MYOM2: variants seen among roughly 807,000 people sequenced by gnomAD.
MYOM2 encodes myomesin-2.
A neutral mutation model predicts 187.6 loss-of-function variants in MYOM2; 254 were observed. The observed-to-expected ratio is 1.35, with a 90% confidence interval of 1.22 to 1.50. The LOEUF is 1.50. MYOM2 is among the 40% of genes most tolerant of loss of function. The pLI, the probability that MYOM2 is intolerant of heterozygous loss-of-function variation, is 0.00. For synonymous variants in MYOM2, 981 were observed against 753.8 expected, an observed-to-expected ratio of 1.30 and a Z score of -4.94; for missense variants, 2,796 against 1,924.0, an observed-to-expected ratio of 1.45 and a Z score of -8.48.
chr8:2,085,515 GCCCCCCACTGTTGTGA>G, intron 14 of MYOM2, 125 bp downstream of exon 14: 2 of 775,020 alleles, frequency 2.6e-6, no homozygotes, highest in East Asian at 3.5e-5. Flanking sequence ...TCTCCGCGTG[GCCCCCCACTGTTGTGA>G]TCTCTGCGTG....
chr8:2,104,621 A>T (rs1796831566), intron 21 of MYOM2, among the ~76,000 whole-genome samples: 1 of 151,604 alleles, frequency 6.6e-6, no homozygotes, highest in Non-Finnish European at 1.5e-5. Context: ...AAAAAAGAAA[A>T]AAAAAGTTTA....
chr8:2,049,385 A>T (rs1368300281), intron 1 of MYOM2, among the ~76,000 whole-genome samples: 1 of 152,116 alleles, frequency 6.6e-6, no homozygotes, highest in Admixed American at 6.5e-5. Flanking sequence ...ATCGCTAGTG[A>T]TCTTTCCAAG....
In MYOM2 at chr8:2,144,931, C is replaced by T; in HGVS notation, c.4348C>T (p.Gln1450Ter). Residue 1450 changes from glutamine (Q) to a stop codon, truncating the protein, a stop_gained, in exon 37 of 37, where the codon CAA becomes TAA. Coordinates refer to ENST00000262113, the MANE Select transcript of MYOM2 (RefSeq NM_003970.4). LOFTEE classifies it low-confidence loss of function (END_TRUNC). ...GATCCCGGACATGGCCCCGCCCCAGCAAGCCAAGCCCAAGCTCATCCCCGC... is the reference window on the plus strand; with the variant it reads ...GATCCCGGACATGGCCCCGCCCCAGTAAGCCAAGCCCAAGCTCATCCCCGC... ...EKIPDMAPPQ[Q>*]AKPKLIPASA... The T allele has an allele frequency of 6.2e-7, 1 of 1,614,206 alleles. No individual in the cohort carries two copies. The highest frequency in any genetic ancestry group is 8.5e-7 in the Non-Finnish European group (1 of 1,180,044).
intron 13 of MYOM2, among the ~76,000 whole-genome samples, chr8:2,081,072 G>GCC (rs1819607819): frequency 7.0e-6 from 1 of 143,154 alleles, no homozygotes; most frequent in Non-Finnish European, 1.5e-5. Context: ...GTTTGGTTCT[G>GCC]ATCTGCGGGA....
At position 2,132,364 on chromosome 8, in the gene MYOM2, A is replaced by T. The variant is rs140222676; in HGVS notation, c.3800+3132A>T. 2.8e-3 allele frequency among the ~76,000 whole-genome samples: 420 copies of T among 152,362 alleles called. 16 individuals carry two copies. Among genetic ancestry groups the T allele is most frequent in the Admixed American group, 0.026 (393 of 15,296 alleles). ...AGTAATACATCAGAGGCTATAGAACATGTCACTTTAAGGGAATGTTAGAAA... is the reference window on the plus strand; with the variant it reads ...AGTAATACATCAGAGGCTATAGAACTTGTCACTTTAAGGGAATGTTAGAAA... On this transcript the variant is annotated intron_variant, in intron 32 of 36. Coordinates refer to ENST00000262113, the MANE Select transcript of MYOM2 (RefSeq NM_003970.4).
At chr8:2,047,381 T>G (rs533335357) in intron 1 of MYOM2, among the ~76,000 whole-genome samples, 1 of 151,976 alleles carries the variant, frequency 6.6e-6, no homozygotes, top group African/African-American at 2.4e-5. Context: ...ACATTCAGGG[T>G]GGGTGAGGCT....
chr8:2,077,193 C>T (rs796678948), intron 11 of MYOM2, among the ~76,000 whole-genome samples: 4 of 152,054 alleles, frequency 2.6e-5, no homozygotes, highest in African/African-American at 7.2e-5. Flanking sequence ...GCTTATAATC[C>T]CAGCTTCTTG....
At chr8:2,123,190 ACTTT>A in intron 28 of MYOM2, 58 bp from the exon 29 acceptor site, 6 of 1,122,882 alleles carry the variant, frequency 5.3e-6, no homozygotes, top group Non-Finnish European at 7.8e-6. Context: ...ATTCTAATAG[ACTTT>A]CTTTTTCTCA....
In MYOM2 at chr8:2,092,162, C is replaced by T. The variant is rs148270706; in HGVS notation, c.1829-184C>T. ...TGGGAAGAGATCAGAGAGACCAGCA[C>T]CTCCCAATGGCCCTCGGGTGGTCGG... On this transcript the variant is annotated intron_variant, in intron 15 of 36. Coordinates refer to ENST00000262113, the MANE Select transcript of MYOM2 (RefSeq NM_003970.4). Among the ~76,000 whole-genome samples, 17 of 152,150 alleles carry T rather than the reference C, an allele frequency of 1.1e-4. No homozygotes were observed. The East Asian group carries it at 2.3e-3, about 21-fold the overall frequency.
rs1796901451 is a variant in MYOM2 at position 2,106,579 on chromosome 8, T to C, written c.2980T>C (p.Phe994Leu). 1 of 1,606,700 alleles carries C rather than the reference T, an allele frequency of 6.2e-7. No individual in the cohort carries two copies. The highest frequency in any genetic ancestry group is 1.7e-5 in the Admixed American group (1 of 59,780). Residue 994 changes from phenylalanine (F) to leucine (L), a missense_variant, in exon 23 of 37, where the codon TTT becomes CTT. Transcript: ENST00000262113. ...TGATACAGACGGAGTGTCCTCCAGTTTTGTTCTGGACCCAGAAGGTAATAT... is the reference window on the plus strand; with the variant it reads ...TGATACAGACGGAGTGTCCTCCAGTCTTGTTCTGGACCCAGAAGGTAATAT... ...VSDTDGVSSSFVLDPEELERL... is the reference protein window; with the variant it reads ...VSDTDGVSSSLVLDPEELERL...
intron 13 of MYOM2, among the ~76,000 whole-genome samples, chr8:2,080,530 C>T (rs1350447590): frequency 6.6e-6 from 1 of 152,194 alleles, no homozygotes; most frequent in Non-Finnish European, 1.5e-5. Context: ...AACCTTTAAG[C>T]CTTAGTCAAA....
Position 2,123,159 on chromosome 8 carries a change from G to C in MYOM2, c.3454-93G>C, listed in dbSNP as rs913877625. ...ATAGTAAAAACTAAGGTTTTTTGAG[G>C]GGGGGGCTCTGTGATTTAAGATTCT... On this transcript the variant is annotated intron_variant, in intron 28 of 36. Coordinates refer to ENST00000262113, the MANE Select transcript of MYOM2 (RefSeq NM_003970.4). 3.9e-5 allele frequency: 31 copies of C among 790,582 alleles called. No homozygotes were observed. In the South Asian group the frequency reaches 5.5e-4, roughly 14 times the overall value. The allele number at this position is 790,582 out of a possible 1,614,324, so 49.0% of individuals were successfully genotyped here.
At chr8:2,056,873 G>C (rs138154593) in intron 3 of MYOM2, among the ~76,000 whole-genome samples, 1 of 152,308 alleles carries the variant, frequency 6.6e-6, no homozygotes, top group Non-Finnish European at 1.5e-5. Context: ...GATTTCCCGA[G>C]TTGCCCTGTC....
rs77221342 is a variant in MYOM2, at chr8:2,073,964, C to T, written c.1120+464C>T. Among the ~76,000 whole-genome samples the T allele has an allele frequency of 7.9e-3, 1,210 of 152,240 alleles. 14 individuals carry two copies. The highest frequency in any genetic ancestry group is 0.027 in the African/African-American group (1,134 of 41,544). ...TGATGATGACAGCCAGTGCTGTGAC[C>T]TCCACCACCCACTTCAGTGAAACTC... On this transcript the variant is annotated intron_variant, in intron 10 of 36. Transcript: ENST00000262113.
chr8:2,045,246 C>T (rs1818274505), intron 1 of MYOM2, 78 bp downstream of exon 1: 1 of 152,244 alleles, frequency 6.6e-6, no homozygotes, highest in Admixed American at 6.5e-5. Context: ...CTCACATTTT[C>T]TAAGTACCTC....
At chr8:2,110,782 C>T (rs1015747369) in intron 25 of MYOM2, among the ~76,000 whole-genome samples, 1 of 152,188 alleles carries the variant, frequency 6.6e-6, no homozygotes, top group South Asian at 2.1e-4. Context: ...TGCAGTCCAG[C>T]CTTTGTGTCT....
rs191146226 is a variant in MYOM2, at chr8:2,047,686, T to G, written c.-13+2518T>G. Among the ~76,000 whole-genome samples the G allele has an allele frequency of 2.5e-4, 38 of 152,322 alleles. 1 individual carries two copies. Among genetic ancestry groups the G allele is most frequent in the Middle Eastern group, 6.8e-3 (2 of 294 alleles). On this transcript the variant is annotated intron_variant, in intron 1 of 36. Transcript: ENST00000262113. ...GCATGAAGTGAGCAGGGAATACATG[T>G]GGGGATAAACGTGGCAAAGTGCCCT...
chr8:2,104,579 T>A (rs986161899), intron 21 of MYOM2, among the ~76,000 whole-genome samples: 5 of 150,658 alleles, frequency 3.3e-5, no homozygotes, highest in Non-Finnish European at 7.4e-5. Flanking sequence ...CACTCTAGCC[T>A]GGGCAACGGA....
Position 2,137,168 on chromosome 8 carries a change from A to G in MYOM2, c.3801-3555A>G, listed in dbSNP as rs546165839. 3.5e-4 allele frequency among the ~76,000 whole-genome samples: 53 copies of G among 151,614 alleles called. 1 individual carries two copies. The South Asian group carries it at 0.011, about 31-fold the overall frequency. ...TTTGGCACATAATTTAGCTCTTTGA[A>G]GAAGACACATTTGAGTTAATGGTGA... is the stretch of plus-strand genomic sequence containing the variant. On this transcript the variant is annotated intron_variant, in intron 32 of 36. Coordinates refer to ENST00000262113, the MANE Select transcript of MYOM2 (RefSeq NM_003970.4).
Sources: allele counts gnomAD v4.1 joint callset (sites outside exome capture counted in the v4.1 genomes callset), GRCh38; gene constraint gnomAD v4.1.1; transcripts MANE v1.5; gene names NCBI Gene and HGNC (gene_info 2026-07-23, HGNC 2026-07-21).